NRG3: variants seen among roughly 807,000 people sequenced by gnomAD.
NRG3 encodes neuregulin 3.
A neutral mutation model predicts 66.9 loss-of-function variants in NRG3; 31 were observed. The observed-to-expected ratio is 0.46, with a 90% CI of 0.35 to 0.63. The LOEUF (loss-of-function observed/expected upper bound fraction) is 0.63. Ranked by LOEUF, NRG3 falls within the 20% of genes least tolerant of loss-of-function variation. NRG3 has a pLI of 0.00. For missense variants in NRG3, 910 were observed against 878.9 expected (o/e 1.04, Z -0.45); for synonymous variants, 393 against 359.4 (o/e 1.09, Z -1.06).
intron 2 of NRG3, among the ~76,000 whole-genome samples, chr10:82,461,619 C>G (rs1019477847): frequency 2.0e-5 from 3 of 152,152 alleles, no homozygotes; most frequent in African/African-American, 4.8e-5. Context: ...TTCACATATT[C>G]AAGCTGGTAT....
intron 4 of NRG3, among the ~76,000 whole-genome samples, chr10:82,916,394 G>C (rs934350378): frequency 2.6e-5 from 4 of 152,180 alleles, no homozygotes; most frequent in Non-Finnish European, 4.4e-5. Context: ...CAAGGTTGTA[G>C]TGAGCCATAC....
intron 2 of NRG3, among the ~76,000 whole-genome samples, chr10:82,536,270 G>T (rs1022291916): frequency 6.6e-6 from 1 of 152,024 alleles, no homozygotes; most frequent in African/African-American, 2.4e-5. Flanking sequence ...TGACTTTTTG[G>T]CTACCTCAGG....
chr10:82,627,909 A>G (rs1192197107), intron 2 of NRG3, among the ~76,000 whole-genome samples: 1 of 152,240 alleles, frequency 6.6e-6, no homozygotes, highest in African/African-American at 2.4e-5. Flanking sequence ...TACCAGTTCT[A>G]GGCAGTACAA....
At chr10:82,361,610 G>A (rs1446363575) in intron 2 of NRG3, among the ~76,000 whole-genome samples, 1 of 152,062 alleles carries the variant, frequency 6.6e-6, no homozygotes, top group East Asian at 1.9e-4. Flanking sequence ...AGATACTATT[G>A]AATAAATACA....
chr10:82,521,680 A>G (rs1455806406), intron 2 of NRG3, among the ~76,000 whole-genome samples: 2 of 152,100 alleles, frequency 1.3e-5, no homozygotes, highest in Admixed American at 6.5e-5. Context: ...AGGTCGCTAC[A>G]TTGACTGACT....
At chr10:82,932,971 T>A (rs1847721361) in intron 4 of NRG3, among the ~76,000 whole-genome samples, 1 of 152,174 alleles carries the variant, frequency 6.6e-6, no homozygotes, top group African/African-American at 2.4e-5. Flanking sequence ...GCCTTTCTTC[T>A]CTTCTCTTCT....
intron 1 of NRG3, among the ~76,000 whole-genome samples, chr10:81,999,691 C>T (rs1261986616): frequency 6.6e-6 from 1 of 152,106 alleles, no homozygotes; most frequent in Non-Finnish European, 1.5e-5. Flanking sequence ...CCTTTAACAA[C>T]TAGCAGATGA....
intron 2 of NRG3, among the ~76,000 whole-genome samples, chr10:82,634,366 A>AT (rs2050043982): frequency 6.6e-6 from 1 of 152,160 alleles, no homozygotes; most frequent in Admixed American, 6.5e-5. Flanking sequence ...ACACAGAAGT[A>AT]TGTATGTATG....
chr10:82,694,094 G>A (rs567394263), intron 2 of NRG3, among the ~76,000 whole-genome samples: 29 of 152,172 alleles, frequency 1.9e-4, no homozygotes, highest in East Asian at 9.7e-4. Context: ...GACACGGAGC[G>A]CTGATTGGTG....
chr10:82,871,158 G>A (rs1339291047), intron 4 of NRG3, among the ~76,000 whole-genome samples: 2 of 152,100 alleles, frequency 1.3e-5, no homozygotes, highest in African/African-American at 4.8e-5. Flanking sequence ...AGTTGTTCCA[G>A]CACCATTTGT....
At chr10:82,976,302 C>T (rs550683508) in intron 7 of NRG3, among the ~76,000 whole-genome samples, 3 of 152,208 alleles carry the variant, frequency 2.0e-5, no homozygotes, top group East Asian at 1.9e-4. Context: ...GTGATCCGCC[C>T]GCCTCAGCCT....
At chr10:82,204,631 GT>G (rs1239006167) in intron 1 of NRG3, among the ~76,000 whole-genome samples, 5 of 152,154 alleles carry the variant, frequency 3.3e-5, no homozygotes, top group African/African-American at 1.2e-4. Context: ...CCTAGGAGTA[GT>G]AATATCTCTC....
intron 1 of NRG3, among the ~76,000 whole-genome samples, chr10:82,062,521 G>T (rs1467653652): frequency 2.6e-5 from 4 of 151,858 alleles, no homozygotes; most frequent in Admixed American, 1.3e-4. Context: ...CAGGAGAATT[G>T]CTCTAACCTG....
chr10:82,525,149 A>G (rs1461364983), intron 2 of NRG3, among the ~76,000 whole-genome samples: 1 of 151,916 alleles, frequency 6.6e-6, no homozygotes, highest in Non-Finnish European at 1.5e-5. Flanking sequence ...TCTAAAAAGC[A>G]TAACAAATCT....
chr10:82,060,290 C>G (rs763209169), intron 1 of NRG3, among the ~76,000 whole-genome samples: 1 of 152,106 alleles, frequency 6.6e-6, no homozygotes, highest in Non-Finnish European at 1.5e-5. Flanking sequence ...ATATGGCATG[C>G]ATGAATGTTT....
chr10:82,930,896 C>T (rs1033609508), intron 4 of NRG3, among the ~76,000 whole-genome samples: 2 of 152,148 alleles, frequency 1.3e-5, no homozygotes, highest in Admixed American at 6.6e-5. Flanking sequence ...GTCTAAATGA[C>T]ATGCTTATAG....
At chr10:82,846,726 A>T (rs1292166512) in intron 3 of NRG3, among the ~76,000 whole-genome samples, 1 of 152,226 alleles carries the variant, frequency 6.6e-6, no homozygotes, top group African/African-American at 2.4e-5. Context: ...ATAACTTCTA[A>T]ATACTTCATT....
chr10:82,422,737 G>T (rs12266855), intron 2 of NRG3, among the ~76,000 whole-genome samples: 34,204 of 151,724 alleles, frequency 0.23, 5,830 homozygotes, highest in African/African-American at 0.48. Context: ...GTTTTGTTTT[G>T]GGAAGAACTA....
chr10:82,561,844 G>A lies in NRG3; in HGVS notation c.954-176733G>A, dbSNP rs115830657. ...AGAAATTGAGAGGAAAAGACATAGA[G>A]GTGAGGAGATGTCAGCTCCTGAAAG... On this transcript the variant is annotated intron_variant, in intron 2 of 8. Transcript: ENST00000372141. Among the ~76,000 whole-genome samples the A allele has an allele frequency of 9.8e-3, 1,497 of 152,262 alleles. 19 individuals carry two copies. The highest frequency in any genetic ancestry group is 0.034 in the African/African-American group (1,417 of 41,560).
Sources: gnomAD v4.1 joint callset for allele counts (sites outside exome capture counted in the v4.1 genomes callset) on GRCh38, gnomAD v4.1.1 for gene constraint, MANE v1.5 for transcripts, NCBI Gene and HGNC (gene_info 2026-07-23, HGNC 2026-07-21) for gene names.